ME3: variants seen among roughly 807,000 people sequenced by gnomAD.
ME3 encodes NADP-dependent malic enzyme, mitochondrial.
In ME3, 48 loss-of-function variants were observed where a neutral mutation model predicts 68.9. The observed-to-expected ratio is 0.70, with a 90% CI of 0.55 to 0.89. ME3 has a LOEUF of 0.89. ME3 is among the 40% of genes least tolerant of loss of function. The pLI is 0.00. For synonymous variants in ME3, 320 were observed against 318.8 expected, an observed-to-expected ratio of 1.00 and a Z score of -0.04; for missense variants, 675 against 797.4, an observed-to-expected ratio of 0.85 and a Z score of 1.85.
At chr11:86,487,249 C>T in intron 7 of ME3, 88 bp downstream of exon 7, 2 of 1,110,482 alleles carry the variant, frequency 1.8e-6, no homozygotes, top group Non-Finnish European at 2.7e-6. Flanking sequence ...ACTGCCTTTA[C>T]TTTGTATATC....
chr11:86,534,089 A>G (rs1228290193), intron 4 of ME3, among the ~76,000 whole-genome samples: 1,326 of 22,824 alleles, frequency 0.058, 20 homozygotes, highest in African/African-American at 0.11. Flanking sequence ...GTGTATATAT[A>G]TATATATATA....
intron 10 of ME3, 69 bp downstream of exon 10, chr11:86,449,820 C>T (rs1949532814): frequency 8.6e-7 from 1 of 1,156,154 alleles, no homozygotes. Context: ...TTCTTGGAGA[C>T]CTCTTCCAGT....
intron 5 of ME3, among the ~76,000 whole-genome samples, chr11:86,508,169 C>G (rs1405995729): frequency 2.0e-5 from 3 of 152,064 alleles, no homozygotes; most frequent in African/African-American, 7.2e-5. Flanking sequence ...TACACATACC[C>G]AAGTGTGAAG....
At chr11:86,661,811 T>C (rs1389336720) in intron 2 of ME3, among the ~76,000 whole-genome samples, 1 of 151,870 alleles carries the variant, frequency 6.6e-6, no homozygotes, top group Non-Finnish European at 1.5e-5. Context: ...CCTCTTACGC[T>C]ATAAGCTCCT....
rs1212198917 is a variant in ME3 at position 86,487,449 on chromosome 11, G to C, written c.706-9C>G. 6.2e-7 allele frequency: 1 copy of C among 1,611,062 alleles called. No individual in the cohort carries two copies. The highest frequency in any genetic ancestry group is 1.3e-5 in the African/African-American group (1 of 74,804). On this transcript the variant is annotated splice_polypyrimidine_tract_variant and intron_variant, in intron 6 of 14. Coordinates refer to ENST00000543262, the Ensembl canonical transcript of ME3. The stretch of plus-strand genomic sequence containing the variant: ...GGGTCTCTGAGCAGCTCCTGGAACA[G>C]ACAGCACCCATTGACTGAGCCTACT...
At chr11:86,659,938 G>T (rs1946170935) in intron 2 of ME3, among the ~76,000 whole-genome samples, 1 of 152,002 alleles carries the variant, frequency 6.6e-6, no homozygotes. Context: ...TTTAAACCTT[G>T]GTTAGAATAT....
At chr11:86,602,140 G>T (rs1386656184) in intron 2 of ME3, among the ~76,000 whole-genome samples, 8 of 151,540 alleles carry the variant, frequency 5.3e-5, no homozygotes, top group Admixed American at 1.3e-4. Flanking sequence ...AGGGTATTCG[G>T]TTAGGAAAAG....
exon 14 of ME3, chr11:86,442,863 T>G: frequency 3.7e-6 from 6 of 1,613,486 alleles, no homozygotes; most frequent in South Asian, 2.2e-5. Context: ...TGGTGCTGAG[T>G]GGTGGGTAGA....
intron 2 of ME3, among the ~76,000 whole-genome samples, chr11:86,634,183 TTCAGGGATGCC>T (rs985125625): frequency 3.9e-5 from 6 of 152,144 alleles, no homozygotes; most frequent in African/African-American, 1.4e-4. Context: ...GAGAGGGGTG[TTCAGGGATGCC>T]TCCATCTGGT....
intron 2 of ME3, among the ~76,000 whole-genome samples, chr11:86,620,469 A>G (rs1180875629): frequency 1.3e-5 from 2 of 152,218 alleles, no homozygotes; most frequent in Admixed American, 6.5e-5. Flanking sequence ...AATATGTTGT[A>G]TACTGGGAAC....
chr11:86,450,952 A>G (rs1284101199), intron 8 of ME3, among the ~76,000 whole-genome samples: 1 of 152,228 alleles, frequency 6.6e-6, no homozygotes, highest in East Asian at 1.9e-4. Flanking sequence ...CCACTGCTAC[A>G]TGACTTCTTC....
At chr11:86,461,071 A>G (rs1950202637) in intron 8 of ME3, among the ~76,000 whole-genome samples, 1 of 152,206 alleles carries the variant, frequency 6.6e-6, no homozygotes, top group East Asian at 1.9e-4. Context: ...AGTGACACCC[A>G]CACTGTTTCA....
In ME3 at chr11:86,487,329, C is replaced by T; in HGVS notation, c.809+8G>A. On this transcript the variant is annotated splice_region_variant and intron_variant, in intron 7 of 14. Transcript: ENST00000543262. ...CCTCTTTCAAAAGGGACAGACTGGT[C>T]CACTTACTTGTCTGTCACAGCCTGC... 1 of 1,608,530 alleles carries T rather than the reference C, an allele frequency of 6.2e-7. No individual in the cohort carries two copies. The highest frequency in any genetic ancestry group is 8.5e-7 in the Non-Finnish European group (1 of 1,174,872).
chr11:86,646,007 C>T (rs1039832231), intron 2 of ME3, among the ~76,000 whole-genome samples: 8 of 152,178 alleles, frequency 5.3e-5, no homozygotes, highest in African/African-American at 1.7e-4. Flanking sequence ...ATAGCATCGA[C>T]ATCAACAAAA....
intron 4 of ME3, among the ~76,000 whole-genome samples, chr11:86,515,064 C>T (rs543128261): frequency 2.0e-4 from 30 of 152,168 alleles, no homozygotes; most frequent in African/African-American, 6.5e-4. Flanking sequence ...AATAAGAAGA[C>T]GGTTGTAAAT....
chr11:86,622,351 TC>T (rs1565228132), intron 2 of ME3, among the ~76,000 whole-genome samples: 1 of 151,850 alleles, frequency 6.6e-6, no homozygotes, highest in Non-Finnish European at 1.5e-5. Flanking sequence ...CACTGCCATA[TC>T]CAGTGATATA....
At chr11:86,480,029 G>A (rs1227274112) in intron 7 of ME3, among the ~76,000 whole-genome samples, 1 of 152,142 alleles carries the variant, frequency 6.6e-6, no homozygotes, top group Non-Finnish European at 1.5e-5. Flanking sequence ...ATGTTGGCCA[G>A]GCTGGTCTTG....
At position 86,666,794 on chromosome 11, in the gene ME3, T is replaced by A. The variant is rs138550811; in HGVS notation, c.183+4968A>T. On this transcript the variant is annotated intron_variant, in intron 2 of 14. Transcript: ENST00000543262. ...GCAGAGATCTCGAGAAGATATATTA[T>A]GTAATCTGCCTTCCAGCATCACCAA... Among the ~76,000 whole-genome samples, 462 of 152,342 alleles carry A rather than the reference T, an allele frequency of 3.0e-3. 2 individuals carry two copies. Among genetic ancestry groups the A allele is most frequent in the Middle Eastern group, 0.014 (4 of 294 alleles).
chr11:86,441,561 A>C, intron 14 of ME3, 121 bp from the exon 15 acceptor site: 1 of 963,776 alleles, frequency 1.0e-6, no homozygotes, highest in Admixed American at 2.7e-5. Flanking sequence ...TTCTTTCATG[A>C]GTATGGCTCA....
Sources: allele counts gnomAD v4.1 joint callset (sites outside exome capture counted in the v4.1 genomes callset), GRCh38; gene constraint gnomAD v4.1.1; transcripts MANE v1.5; gene names NCBI Gene and HGNC (gene_info 2026-07-23, HGNC 2026-07-21).